The following FN1 variants were observed in gnomAD, a reference collection of about 807,000 sequenced individuals.
The protein encoded by FN1 is fibronectin.
Under a neutral mutation model 297.3 loss-of-function variants are expected in FN1, and 106 were observed. The ratio of observed to expected loss-of-function variants is 0.36; its 90% CI spans 0.30 to 0.42. The LOEUF is 0.42. Ranked by LOEUF, FN1 falls within the 10% of genes least tolerant of loss-of-function variation. FN1 has a pLI of 1.00. For missense variants in FN1, 2,690 were observed against 3,124.9 expected, an observed-to-expected ratio of 0.86 and a Z score of 3.32; for synonymous variants, 1,149 against 1,152.6, an observed-to-expected ratio of 1.00 and a Z score of 0.06.
intron 11 of FN1, among the ~76,000 whole-genome samples, chr2:215,420,085 G>A (rs1430772939): frequency 6.6e-6 from 1 of 152,142 alleles, no homozygotes; most frequent in Non-Finnish European, 1.5e-5. Context: ...TTTGGTGGGT[G>A]ATATTTACAC....
intron 5 of FN1, 51 bp from the exon 6 acceptor site, chr2:215,428,389 G>A: frequency 6.4e-7 from 1 of 1,559,010 alleles, no homozygotes; most frequent in Non-Finnish European, 8.8e-7. Context: ...GTCGCAAGTG[G>A]TCAATTCAAA....
Position 215,431,837 on chromosome 2 carries a change from G to A in FN1, c.543C>T (p.Pro181=). The change falls in exon 4 of 46, where the codon CCC becomes CCT. Residue 181 remains proline, a synonymous_variant. Transcript: ENST00000354785. The part of the protein sequence containing the change: ...GNGKGEWTCK[P]IAEKCFDHAA... ...TCAGCCCTAAGACTCACACACCTATGGGCTTGCAGGTCCATTCTCCTTTTC... is the reference window on the plus strand; with the variant it reads ...TCAGCCCTAAGACTCACACACCTATAGGCTTGCAGGTCCATTCTCCTTTTC... The A allele has an allele frequency of 1.2e-6, 2 of 1,614,122 alleles. No individual in the cohort carries two copies. Among genetic ancestry groups the A allele is most frequent in the Non-Finnish European group, 8.5e-7 (1 of 1,180,016 alleles).
chr2:215,408,165 G>C lies in FN1; in HGVS notation c.2461C>G (p.Gln821Glu), dbSNP rs776761748. 1 of 1,614,062 alleles carries C rather than the reference G, an allele frequency of 6.2e-7. No homozygotes were observed. Residue 821 changes from glutamine (Q) to glutamate (E), a missense_variant, in exon 17 of 46, where the codon CAA becomes GAA. By Grantham distance (29) the Gln-to-Glu change is conservative (BLOSUM62 2). Coordinates refer to ENST00000354785, the MANE Select transcript of FN1 (RefSeq NM_212482.4). ...PDAPPDTTVD[Q>E]VDDTSIVVRW... ...ACAACAATTGAGGTGTCATCAACTT[G>C]GTCCACAGTCGTGTCAGGAGGGGCA...
At chr2:215,390,379 C>T (rs1451896454) in intron 26 of FN1, among the ~76,000 whole-genome samples, 3 of 152,060 alleles carry the variant, frequency 2.0e-5, no homozygotes, top group Non-Finnish European at 4.4e-5. Flanking sequence ...GAGACTTGGT[C>T]TCACTGTGTT....
intron 26 of FN1, among the ~76,000 whole-genome samples, chr2:215,389,085 T>C (rs1429445876): frequency 6.6e-6 from 1 of 152,076 alleles, no homozygotes; most frequent in African/African-American, 2.4e-5. Flanking sequence ...CCTGAGTATC[T>C]TGTTCCATTT....
intron 25 of FN1, chr2:215,392,661 C>A: frequency 1.1e-5 from 5 of 462,638 alleles, no homozygotes; most frequent in South Asian, 7.5e-5. Context: ...TGAACATTTG[C>A]TATTTTATAT....
chr2:215,385,017 A>G (rs2058723952), intron 28 of FN1, 41 bp from the exon 29 acceptor site: 1 of 1,310,414 alleles, frequency 7.6e-7, no homozygotes, highest in Non-Finnish European at 1.1e-6. Context: ...GTAATTTTCA[A>G]ACAATATTCA....
Position 215,408,278 on chromosome 2 carries a change from A to G in FN1, c.2428+20T>C. ...TTTTACAGAAAAAGATTCTTTTAAC[A>G]CTATGTAGCACACATGTACCTGTTG... is the stretch of plus-strand genomic sequence containing the variant. On this transcript the variant is annotated intron_variant, in intron 16 of 45. Coordinates refer to ENST00000354785, the MANE Select transcript of FN1 (RefSeq NM_212482.4). 6.2e-7 allele frequency: 1 copy of G among 1,614,134 alleles called. No homozygotes were observed. The highest frequency in any genetic ancestry group is 1.1e-5 in the South Asian group (1 of 91,078).
intron 3 of FN1, 37 bp from the exon 4 acceptor site, chr2:215,432,001 G>T: frequency 1.2e-6 from 2 of 1,607,336 alleles, no homozygotes; most frequent in South Asian, 2.2e-5. Flanking sequence ...GGAGAGGGCA[G>T]AACAGATTTT....
At chr2:215,399,658 C>G (rs1295652008) in intron 20 of FN1, among the ~76,000 whole-genome samples, 1 of 152,092 alleles carries the variant, frequency 6.6e-6, no homozygotes, top group Non-Finnish European at 1.5e-5. Flanking sequence ...TGAATGATAC[C>G]TGAGTAACAA....
At chr2:215,373,600 G>A (rs368653742) in intron 38 of FN1, among the ~76,000 whole-genome samples, 189 bp from the exon 39 acceptor site, 33 of 151,564 alleles carry the variant, frequency 2.2e-4, no homozygotes, top group African/African-American at 7.3e-4. Context: ...AGTCCGCATC[G>A]CAAACTAATT....
chr2:215,362,230 G>C (rs73987859), intron 44 of FN1, 151 bp from the exon 45 acceptor site: 3 of 681,658 alleles, frequency 4.4e-6, no homozygotes, highest in Admixed American at 4.1e-5. Flanking sequence ...ATGATTTCAT[G>C]CATTTATAAC....
At position 215,410,105 on chromosome 2, in the gene FN1, C is replaced by T. The variant is rs762795321; in HGVS notation, c.1951G>A (p.Val651Ile). 19 of 1,605,382 alleles carry T rather than the reference C, an allele frequency of 1.2e-5. No individual in the cohort carries two copies. In the South Asian group the frequency reaches 1.3e-4, roughly 11 times the overall value. ...YILRWRPKNS[V>I]GRWKEATIPG... ...ATGGTAGCTTCCTTCCAACGGCCTA[C>T]AGAATTTTTCTGAAAATTTAAATTA... The change falls in exon 14 of 46, where the codon GTA becomes ATA. Residue 651 changes from valine (V) to isoleucine (I), a missense_variant. Val to Ile is a conservative substitution (Grantham distance 29). Around this residue, in one of 3 missense-constraint regions of FN1, gnomAD observed 876 missense variants for 1,058.1 expected, o/e 0.83. Transcript: ENST00000354785.
rs1339710516 is a variant in FN1, at chr2:215,388,290, C to G, written c.4264G>C (p.Gly1422Arg). 1 of 1,613,324 alleles carries G rather than the reference C, an allele frequency of 6.2e-7. No homozygotes were observed. Among genetic ancestry groups the G allele is most frequent in the Non-Finnish European group, 8.5e-7 (1 of 1,179,298 alleles). Residue 1422 changes from glycine (G) to arginine (R), a missense_variant, in exon 27 of 46, where the codon GGT becomes CGT. By Grantham distance (125) the Gly-to-Arg change is moderately radical. Coordinates refer to ENST00000354785, the MANE Select transcript of FN1 (RefSeq NM_212482.4). Reference protein sequence around the residue: ...NAVVLTNLLPGTEYVVSVSSV... With the variant: ...NAVVLTNLLPRTEYVVSVSSV... ...GAGACACTCACTACATATTCTGTACCAGGCAGGAGATCTGTAGGGGCAAAT... is the reference window on the plus strand; with the variant it reads ...GAGACACTCACTACATATTCTGTACGAGGCAGGAGATCTGTAGGGGCAAAT...
At chr2:215,434,135 C>T (rs149170829) in intron 2 of FN1, among the ~76,000 whole-genome samples, 4 of 152,166 alleles carry the variant, frequency 2.6e-5, no homozygotes, top group Non-Finnish European at 5.9e-5. Context: ...ACAAACAATT[C>T]GAAGATCCCC....
At chr2:215,434,653 C>A in intron 2 of FN1, 43 bp downstream of exon 2, 1 of 1,611,572 alleles carries the variant, frequency 6.2e-7, no homozygotes, top group Non-Finnish European at 8.5e-7. Context: ...ATTACCACTT[C>A]ATGTATTAAA....
chr2:215,423,209 C>A (rs1575779014), intron 9 of FN1, 141 bp downstream of exon 9: 1 of 760,264 alleles, frequency 1.3e-6, no homozygotes, highest in East Asian at 2.7e-5. Flanking sequence ...CACACACACA[C>A]ACAAACACAC....
At chr2:215,421,609 A>C (rs1182351579) in intron 10 of FN1, among the ~76,000 whole-genome samples, 3 of 152,232 alleles carry the variant, frequency 2.0e-5, no homozygotes, top group Non-Finnish European at 4.4e-5. Context: ...TTAAAAAGTC[A>C]ATACTTCCTC....
intron 28 of FN1, among the ~76,000 whole-genome samples, chr2:215,385,413 T>C (rs886655914): frequency 6.7e-6 from 1 of 149,850 alleles, no homozygotes; most frequent in Non-Finnish European, 1.5e-5. Context: ...AATACAAAAA[T>C]TAGCCGGGCG....
Sources: allele counts gnomAD v4.1 joint callset (sites outside exome capture counted in the v4.1 genomes callset), GRCh38; gene constraint gnomAD v4.1.1; regional missense constraint gnomAD v4.1.1; transcripts MANE v1.5; gene names NCBI Gene and HGNC (gene_info 2026-07-23, HGNC 2026-07-21).